Variants in OTOA observed in about 807,000 individuals in gnomAD.
OTOA encodes otoancorin, also known as cancer/testis antigen 108.
A neutral mutation model predicts 110.8 loss-of-function variants in OTOA; 70 were observed. The ratio of observed to expected loss-of-function variants is 0.63; its 90% confidence interval spans 0.52 to 0.77. OTOA has a LOEUF of 0.77. Ranked by LOEUF, OTOA falls within the 30% of genes least tolerant of loss-of-function variation. The probability of loss-of-function intolerance (pLI) is 0.00; values close to 1 mark genes in which losing one functional copy is unlikely to be tolerated. For missense variants in OTOA, 917 were observed against 1,075.8 expected, an observed-to-expected ratio of 0.85 and a Z score of 2.06; for synonymous variants, 373 against 431.5, an observed-to-expected ratio of 0.86 and a Z score of 1.68.
Position 21,728,227 on chromosome 16 carries a change from C to T in OTOA, c.2017-14C>T. On this transcript the variant is annotated splice_polypyrimidine_tract_variant and intron_variant, in intron 19 of 28. Coordinates refer to ENST00000646100, the MANE Select transcript of OTOA (RefSeq NM_144672.4). ...CTGTTGGAACTGCCCATTGGCTCCACTTTTTGGGTTCAGGACGACTCCATT... is the reference window on the plus strand; with the variant it reads ...CTGTTGGAACTGCCCATTGGCTCCATTTTTTGGGTTCAGGACGACTCCATT... 6.2e-7 allele frequency: 1 copy of T among 1,614,120 alleles called. No homozygotes were observed. Among genetic ancestry groups the T allele is most frequent in the Non-Finnish European group, 8.5e-7 (1 of 1,179,988 alleles).
At position 21,685,334 on chromosome 16, in the gene OTOA, C is replaced by T; in HGVS notation, c.372C>T (p.Cys124=). The T allele has an allele frequency of 5.0e-6, 8 of 1,612,580 alleles. No individual in the cohort carries two copies. The highest frequency in any genetic ancestry group is 5.9e-6 in the Non-Finnish European group (7 of 1,179,024). Residue 124 remains cysteine, a synonymous_variant, in exon 7 of 29, where the codon TGC becomes TGT. Coordinates refer to ENST00000646100, the MANE Select transcript of OTOA (RefSeq NM_144672.4). ...DAQQFRTAMK[C]LLEDKKDGLD... is the part of the protein sequence containing the mutation. ...AGCAGTTCCGCACTGCCATGAAATG[C>T]CTCTTAGAAGACAAGAAGGACGGCT...
At chr16:21,688,717 T>C (rs1897770772) in intron 8 of OTOA, among the ~76,000 whole-genome samples, 1 of 152,098 alleles carries the variant, frequency 6.6e-6, no homozygotes, top group Non-Finnish European at 1.5e-5. Context: ...CTGGGATCTC[T>C]TTTATAAGGG....
intron 17 of OTOA, among the ~76,000 whole-genome samples, chr16:21,719,746 A>G (rs1199117535): frequency 6.6e-6 from 1 of 152,192 alleles, no homozygotes; most frequent in Non-Finnish European, 1.5e-5. Flanking sequence ...GCCTTAAAAT[A>G]TATTCATAAG....
intron 12 of OTOA, among the ~76,000 whole-genome samples, chr16:21,707,159 C>CT (rs1898192145): frequency 6.6e-6 from 1 of 151,968 alleles, no homozygotes; most frequent in Non-Finnish European, 1.5e-5. Context: ...GCCACCGAGC[C>CT]TAGCCTGTGA....
chr16:21,759,744 T>C (rs1900108990), intron 28 of OTOA, among the ~76,000 whole-genome samples: 1 of 152,062 alleles, frequency 6.6e-6, no homozygotes, highest in South Asian at 2.1e-4. Context: ...CTACTAAAAA[T>C]GCAAAAATTA....
At chr16:21,673,209 T>A (rs1355192390) in intron 1 of OTOA, among the ~76,000 whole-genome samples, 1 of 152,174 alleles carries the variant, frequency 6.6e-6, no homozygotes, top group African/African-American at 2.4e-5. Context: ...AAAAGAAATA[T>A]CCTGTGTACT....
Position 21,669,460 on chromosome 16 carries a change from T to A in OTOA, c.-5+5228T>A, listed in dbSNP as rs1181397661. ...AGCACCTCTCCCCTAACCTGCAGGC[T>A]CAAACATCAAACTGCCTACTTGCTA... On this transcript the variant is annotated intron_variant, in intron 1 of 28. Transcript: ENST00000646100. Among the ~76,000 whole-genome samples the A allele has an allele frequency of 4.4e-4, 67 of 151,984 alleles. 2 individuals carry two copies.
chr16:21,734,034 A>G (rs1243851996), intron 21 of OTOA, among the ~76,000 whole-genome samples: 1 of 151,760 alleles, frequency 6.6e-6, no homozygotes, highest in African/African-American at 2.4e-5. Context: ...CCTTGACCTC[A>G]GGTGATCTGC....
intron 12 of OTOA, among the ~76,000 whole-genome samples, chr16:21,707,655 T>TTCTTTC (rs1391942283): frequency 4.7e-4 from 47 of 100,426 alleles, no homozygotes; most frequent in African/African-American, 1.4e-3. Flanking sequence ...CTTTCTTTCT[T>TTCTTTC]TCTCTTTCTT....
Position 21,722,958 on chromosome 16 carries a change from T to G in OTOA, c.1860T>G (p.Pro620=). The G allele has an allele frequency of 6.2e-7, 1 of 1,614,144 alleles. No homozygotes were observed. Among genetic ancestry groups the G allele is most frequent in the Non-Finnish European group, 8.5e-7 (1 of 1,179,992 alleles). Residue 620 remains proline, a synonymous_variant, in exon 18 of 29, where the codon CCT becomes CCG. Transcript: ENST00000646100. The part of the protein sequence containing the change: ...YWEVSRLSMP[P]FLLAALPARY... The stretch of plus-strand genomic sequence containing the variant: ...AAGTTTCCAGATTGTCTATGCCACC[T>G]TTCCTCTTGGCTGCACTCCCGTAAG...
At chr16:21,719,621 A>T (rs1000120868) in intron 17 of OTOA, 117 bp downstream of exon 17, 18 of 1,007,282 alleles carry the variant, frequency 1.8e-5, no homozygotes, top group Non-Finnish European at 2.8e-5. Flanking sequence ...GCAAGTGATG[A>T]CTTAGGGCCA....
At position 21,673,223 on chromosome 16, in the gene OTOA, C is replaced by T. The variant is rs1447093092; in HGVS notation, c.-4-5288C>T. On this transcript the variant is annotated intron_variant, in intron 1 of 28. Transcript: ENST00000646100. ...CAAAAGAAATATCCTGTGTACTCTTCACCCAGTTTCCCCCATTGGTTACAT... is the reference window on the plus strand; with the variant it reads ...CAAAAGAAATATCCTGTGTACTCTTTACCCAGTTTCCCCCATTGGTTACAT... Among the ~76,000 whole-genome samples, 4 of 152,304 alleles carry T rather than the reference C, an allele frequency of 2.6e-5. No homozygotes were observed. The South Asian group carries it at 8.3e-4, about 32-fold the overall frequency.
intron 1 of OTOA, among the ~76,000 whole-genome samples, chr16:21,666,540 T>A (rs1443729942): frequency 6.6e-6 from 1 of 152,162 alleles, no homozygotes; most frequent in Non-Finnish European, 1.5e-5. Flanking sequence ...GGGAAACCTT[T>A]TGGTCCCGGG....
intron 21 of OTOA, among the ~76,000 whole-genome samples, chr16:21,731,821 A>G (rs1899125242): frequency 6.6e-6 from 1 of 152,234 alleles, no homozygotes; most frequent in African/African-American, 2.4e-5. Flanking sequence ...ACATGGTCAC[A>G]CATGCTCAGC....
At chr16:21,698,638 G>T (rs1897990976) in intron 10 of OTOA, among the ~76,000 whole-genome samples, 1 of 152,090 alleles carries the variant, frequency 6.6e-6, no homozygotes, top group Non-Finnish European at 1.5e-5. Flanking sequence ...AGGACCCATT[G>T]ACCCAGCAAT....
chr16:21,684,543 C>T, intron 6 of OTOA: 1 of 1,550,278 alleles, frequency 6.5e-7, no homozygotes, highest in Non-Finnish European at 8.7e-7. Context: ...CAATCACCTA[C>T]AGGGACCAGG....
chr16:21,686,811 C>G (rs1054560372), intron 7 of OTOA, among the ~76,000 whole-genome samples: 1 of 152,044 alleles, frequency 6.6e-6, no homozygotes, highest in Admixed American at 6.6e-5. Context: ...GAGGATCGCT[C>G]AATCCCAGGA....
intron 1 of OTOA, among the ~76,000 whole-genome samples, chr16:21,677,638 C>T (rs574460932): frequency 1.3e-5 from 2 of 151,654 alleles, no homozygotes; most frequent in South Asian, 2.1e-4. Flanking sequence ...CCCGCCACCA[C>T]GCCCGTCTAA....
chr16:21,675,850 G>C (rs1966856669), intron 1 of OTOA, among the ~76,000 whole-genome samples: 1 of 151,904 alleles, frequency 6.6e-6, no homozygotes, highest in Non-Finnish European at 1.5e-5. Context: ...TTCTGGATCT[G>C]TTCTATTGAT....
Sources: gnomAD v4.1 joint callset for allele counts (sites outside exome capture counted in the v4.1 genomes callset) on GRCh38, gnomAD v4.1.1 for gene constraint, MANE v1.5 for transcripts, NCBI Gene and HGNC (gene_info 2026-07-23, HGNC 2026-07-21) for gene names.